NTNG1: variants seen among roughly 807,000 people sequenced by gnomAD.
NTNG1 encodes the protein netrin G1.
A neutral mutation model predicts 54.0 loss-of-function variants in NTNG1; 16 were observed. The ratio of observed to expected loss-of-function variants is 0.30; its 90% CI spans 0.20 to 0.45. NTNG1 has a LOEUF of 0.45. Among genes scored for constraint, NTNG1 ranks in the 20% least tolerant of loss-of-function variants. NTNG1 has a pLI of 1.00. For missense variants in NTNG1, 530 were observed against 678.7 expected, an observed-to-expected ratio of 0.78 and a Z score of 2.43; for synonymous variants, 255 against 263.1, an observed-to-expected ratio of 0.97 and a Z score of 0.30.
chr1:107,359,831 A>G (rs1331573510), intron 3 of NTNG1, among the ~76,000 whole-genome samples: 1 of 152,182 alleles, frequency 6.6e-6, no homozygotes, highest in Non-Finnish European at 1.5e-5. Context: ...AAAAAAAGGA[A>G]AAGAGAGAAG....
chr1:107,293,152 C>T (rs1166768181), intron 2 of NTNG1, among the ~76,000 whole-genome samples: 1 of 151,774 alleles, frequency 6.6e-6, no homozygotes, highest in East Asian at 1.9e-4. Flanking sequence ...AAAAATGTAA[C>T]CAAAAATAAG....
intron 2 of NTNG1, among the ~76,000 whole-genome samples, chr1:107,264,823 C>T (rs1663625236): frequency 6.6e-6 from 1 of 152,144 alleles, no homozygotes. Context: ...GTACAGCTGT[C>T]CTTGGAAATT....
chr1:107,290,963 T>TAATATA lies in NTNG1; in HGVS notation c.247-33319_247-33318insAATATA, dbSNP rs199789100. Among the ~76,000 whole-genome samples, 12 of 142,530 alleles carry TAATATA rather than the reference T, an allele frequency of 8.4e-5. No individual in the cohort carries two copies. In the Admixed American group the frequency reaches 8.5e-4, roughly 10 times the overall value. 93.5% of individuals were successfully genotyped at this position (142,530 alleles called of 152,430 possible). On this transcript the variant is annotated intron_variant, in intron 2 of 7. Coordinates refer to ENST00000370068, the MANE Select transcript of NTNG1 (RefSeq NM_001113226.3). Reference sequence around the variant, plus strand: ...ATATTTTAAAGTGCATATATATATATTATATATATATATATATATATACAC... The same window carrying TAATATA: ...ATATTTTAAAGTGCATATATATATATAATATATATATATATATATATATATATACAC...
rs533287742 is a variant in NTNG1 at position 107,377,351 on chromosome 1, G to C, written c.888-17803G>C. Reference sequence around the variant, plus strand: ...ACTGCCTGGCTCCAGAGAAAGAGAAGAGAACTCCTTTATCCCTCTAAAGCC... The same window carrying C: ...ACTGCCTGGCTCCAGAGAAAGAGAACAGAACTCCTTTATCCCTCTAAAGCC... On this transcript the variant is annotated intron_variant, in intron 3 of 7. Coordinates refer to ENST00000370068, the MANE Select transcript of NTNG1 (RefSeq NM_001113226.3). 4.6e-4 allele frequency among the ~76,000 whole-genome samples: 70 copies of C among 152,316 alleles called. 3 individuals carry two copies. The South Asian group carries it at 6.4e-3, about 14-fold the overall frequency.
At position 107,178,046 on chromosome 1, in the gene NTNG1, C is replaced by G. The variant is rs546522442; in HGVS notation, c.246+29207C>G. On this transcript the variant is annotated intron_variant, in intron 2 of 7. Coordinates refer to ENST00000370068, the MANE Select transcript of NTNG1 (RefSeq NM_001113226.3). ...GCTGTCAGCCGTATTTTTATTTACA[C>G]TACTATTCACAGTGTTAAGATTTTT... Among the ~76,000 whole-genome samples the G allele has an allele frequency of 2.6e-5, 4 of 152,276 alleles. No homozygotes were observed. The South Asian group carries it at 8.3e-4, about 32-fold the overall frequency.
At chr1:107,427,114 G>A (rs1210372007) in intron 5 of NTNG1, among the ~76,000 whole-genome samples, 3 of 152,066 alleles carry the variant, frequency 2.0e-5, no homozygotes, top group African/African-American at 7.2e-5. Flanking sequence ...ATATGATCAT[G>A]TTGTCAGCAA....
At chr1:107,328,734 A>G (rs1249496496) in intron 3 of NTNG1, among the ~76,000 whole-genome samples, 1 of 152,176 alleles carries the variant, frequency 6.6e-6, no homozygotes, top group Non-Finnish European at 1.5e-5. Flanking sequence ...TATGAAATAT[A>G]AACTAAAAAT....
chr1:107,150,599 C>A (rs758264904), intron 2 of NTNG1, among the ~76,000 whole-genome samples: 1 of 152,140 alleles, frequency 6.6e-6, no homozygotes, highest in Non-Finnish European at 1.5e-5. Flanking sequence ...TAGCAAATTT[C>A]CTTTCTCAGG....
intron 3 of NTNG1, among the ~76,000 whole-genome samples, chr1:107,345,098 G>A (rs1307999802): frequency 6.6e-6 from 1 of 152,138 alleles, no homozygotes; most frequent in Non-Finnish European, 1.5e-5. Context: ...TTCCAAGAGA[G>A]ACTAGGGATC....
In NTNG1 at chr1:107,444,754, C is replaced by T. The variant is rs541200650; in HGVS notation, c.1390+7955C>T. The stretch of plus-strand genomic sequence containing the variant: ...GTGAAAGGTGTATGAAATGCTGGTG[C>T]TCATGGAAAAATGCAGGCACAGTTT... On this transcript the variant is annotated intron_variant, in intron 7 of 7. Transcript: ENST00000370068. 2.0e-5 allele frequency among the ~76,000 whole-genome samples: 3 copies of T among 152,202 alleles called. No individual in the cohort carries two copies. In the South Asian group the frequency reaches 6.2e-4, roughly 32 times the overall value.
intron 7 of NTNG1, chr1:107,455,683 GC>G: frequency 2.2e-6 from 1 of 454,798 alleles, no homozygotes. Context: ...TGAGGTGACA[GC>G]ACTGGAGAGC....
intron 7 of NTNG1, among the ~76,000 whole-genome samples, chr1:107,440,386 G>A (rs1675894076): frequency 6.6e-6 from 1 of 152,168 alleles, no homozygotes; most frequent in Non-Finnish European, 1.5e-5. Context: ...ACCAGGGTCT[G>A]AATCCCTTCT....
chr1:107,249,680 T>A (rs1662458809), intron 2 of NTNG1, among the ~76,000 whole-genome samples: 1 of 152,198 alleles, frequency 6.6e-6, no homozygotes, highest in Non-Finnish European at 1.5e-5. Flanking sequence ...TAATCCACAC[T>A]GTATATTAGC....
At chr1:107,262,589 A>G (rs1255697628) in intron 2 of NTNG1, among the ~76,000 whole-genome samples, 1 of 152,242 alleles carries the variant, frequency 6.6e-6, no homozygotes, top group Non-Finnish European at 1.5e-5. Flanking sequence ...TGCAGCCCAC[A>G]TAATCATGGT....
chr1:107,272,321 T>C (rs1375864320), intron 2 of NTNG1, among the ~76,000 whole-genome samples: 1 of 152,180 alleles, frequency 6.6e-6, no homozygotes, highest in African/African-American at 2.4e-5. Flanking sequence ...GAGCTTTTTT[T>C]CGGGAACACA....
At chr1:107,180,660 A>G (rs1656992984) in intron 2 of NTNG1, among the ~76,000 whole-genome samples, 1 of 152,170 alleles carries the variant, frequency 6.6e-6, no homozygotes, top group Non-Finnish European at 1.5e-5. Context: ...TCTATTCTGA[A>G]TATATTGCCT....
chr1:107,342,649 A>T (rs1668969362), intron 3 of NTNG1, among the ~76,000 whole-genome samples: 1 of 152,122 alleles, frequency 6.6e-6, no homozygotes, highest in Non-Finnish European at 1.5e-5. Flanking sequence ...TTCTAAAATG[A>T]GCTGCCTCTG....
At chr1:107,418,498 C>A in intron 5 of NTNG1, 1 of 904,446 alleles carries the variant, frequency 1.1e-6, no homozygotes, top group African/African-American at 1.7e-5. Flanking sequence ...TGGTTTGTGT[C>A]TTTATCCATA....
At chr1:107,299,532 C>A (rs889852317) in intron 2 of NTNG1, among the ~76,000 whole-genome samples, 3 of 152,054 alleles carry the variant, frequency 2.0e-5, no homozygotes, top group Non-Finnish European at 4.4e-5. Flanking sequence ...TTATTTATTT[C>A]TTAAATGGAC....
Sources: gnomAD v4.1 joint callset for allele counts (sites outside exome capture counted in the v4.1 genomes callset) on GRCh38, gnomAD v4.1.1 for gene constraint, MANE v1.5 for transcripts, NCBI Gene and HGNC (gene_info 2026-07-23, HGNC 2026-07-21) for gene names.